Variants in RBMS3 observed in about 807,000 individuals in gnomAD.
RBMS3 encodes RNA-binding motif, single-stranded-interacting protein 3.
In RBMS3, 27 loss-of-function variants were observed where a neutral mutation model predicts 66.8. That is an observed-to-expected ratio of 0.40 (90% CI 0.30 to 0.56). The LOEUF (loss-of-function observed/expected upper bound fraction) is 0.56, where lower values mean the gene tolerates loss of function less well. Ranked by LOEUF, RBMS3 falls within the 20% of genes least tolerant of loss-of-function variation. The pLI is 0.40. For missense variants in RBMS3, 513 were observed against 549.5 expected (o/e 0.93, Z 0.66); for synonymous variants, 188 against 183.0 (o/e 1.03, Z -0.22).
At chr3:29,800,244 G>A (rs1057048608) in intron 6 of RBMS3, among the ~76,000 whole-genome samples, 20 of 151,418 alleles carry the variant, frequency 1.3e-4, no homozygotes, top group African/African-American at 3.6e-4. Flanking sequence ...TACCATTATA[G>A]CATTTCCCCC....
chr3:29,481,859 G>A (rs892177685), intron 2 of RBMS3, among the ~76,000 whole-genome samples: 1 of 152,104 alleles, frequency 6.6e-6, no homozygotes, highest in African/African-American at 2.4e-5. Flanking sequence ...TAATAAGGGA[G>A]GGTTTAATAA....
chr3:29,544,388 TG>T (rs1462681689), intron 3 of RBMS3, among the ~76,000 whole-genome samples: 39 of 86,384 alleles, frequency 4.5e-4, no homozygotes, highest in Admixed American at 2.4e-3. Context: ...CTTACAAATT[TG>T]TTTTTTTTTA....
At chr3:29,470,460 C>G (rs1044739044) in intron 2 of RBMS3, among the ~76,000 whole-genome samples, 6 of 151,986 alleles carry the variant, frequency 3.9e-5, no homozygotes, top group African/African-American at 9.7e-5. Context: ...AAGATTAAAT[C>G]TAGTTGCTTA....
At chr3:29,585,297 T>C (rs1576297164) in intron 3 of RBMS3, among the ~76,000 whole-genome samples, 1 of 152,190 alleles carries the variant, frequency 6.6e-6, no homozygotes, top group East Asian at 1.9e-4. Flanking sequence ...TTAAATTATC[T>C]TATATGGAAT....
At chr3:29,900,889 A>ACAT (rs2060235810) in intron 10 of RBMS3, among the ~76,000 whole-genome samples, 1 of 151,776 alleles carries the variant, frequency 6.6e-6, no homozygotes, top group Non-Finnish European at 1.5e-5. Context: ...AACACCAGGG[A>ACAT]GCTAAATACG....
intron 8 of RBMS3, among the ~76,000 whole-genome samples, chr3:29,894,706 T>A (rs1288770018): frequency 6.6e-6 from 1 of 151,572 alleles, no homozygotes; most frequent in East Asian, 1.9e-4. Flanking sequence ...AATAATTTTT[T>A]AAATTACCAC....
At chr3:29,785,404 A>C (rs1242852305) in intron 6 of RBMS3, among the ~76,000 whole-genome samples, 1 of 152,064 alleles carries the variant, frequency 6.6e-6, no homozygotes, top group African/African-American at 2.4e-5. Context: ...TCTTAATACC[A>C]TATTATTCTT....
chr3:29,583,213 T>C (rs2047392332), intron 3 of RBMS3, among the ~76,000 whole-genome samples: 2 of 152,094 alleles, frequency 1.3e-5, no homozygotes, highest in Admixed American at 1.3e-4. Context: ...GATTGAAGTT[T>C]AGTCCTGGAG....
chr3:29,717,919 A>G (rs571708960), intron 4 of RBMS3, among the ~76,000 whole-genome samples: 3 of 152,292 alleles, frequency 2.0e-5, no homozygotes, highest in Admixed American at 6.5e-5. Flanking sequence ...AAAATAATTC[A>G]TAAAGATCAT....
rs149381484 is a variant in RBMS3 at position 29,364,858 on chromosome 3, G to A, written c.76-69885G>A. Among the ~76,000 whole-genome samples, 13 of 151,854 alleles carry A rather than the reference G, an allele frequency of 8.6e-5. No individual in the cohort carries two copies. In the East Asian group the frequency reaches 2.1e-3, roughly 25 times the overall value. On this transcript the variant is annotated intron_variant, in intron 1 of 14. Transcript: ENST00000383767. ...TTGAAGTATTGAGATTTTTATTGTC[G>A]ACCAATTGCTTCCTCCACAGTTTTG...
At chr3:29,399,344 AT>A (rs1373501485) in intron 1 of RBMS3, among the ~76,000 whole-genome samples, 3 of 152,134 alleles carry the variant, frequency 2.0e-5, no homozygotes, top group Non-Finnish European at 4.4e-5. Context: ...TCAAAACTCC[AT>A]TTCTTCCATT....
intron 4 of RBMS3, among the ~76,000 whole-genome samples, chr3:29,611,970 C>T (rs1225272391): frequency 1.3e-5 from 2 of 151,934 alleles, no homozygotes. Flanking sequence ...GCAAGGCCTA[C>T]AGTCTAATTC....
chr3:29,384,630 A>G lies in RBMS3; in HGVS notation c.76-50113A>G, dbSNP rs567326428. Among the ~76,000 whole-genome samples the G allele has an allele frequency of 2.0e-4, 30 of 152,308 alleles. No individual in the cohort carries two copies. The South Asian group carries it at 5.8e-3, about 29-fold the overall frequency. ...AGAAGTTTTGCTACCGATAATGATA[A>G]TTTGATGCCTTAACTGTATTAATAT... On this transcript the variant is annotated intron_variant, in intron 1 of 14. Transcript: ENST00000383767.
intron 4 of RBMS3, among the ~76,000 whole-genome samples, chr3:29,618,745 G>A (rs559367670): frequency 1.4e-4 from 21 of 152,132 alleles, no homozygotes; most frequent in Admixed American, 7.9e-4. Context: ...AGGAATGTCT[G>A]ATAACTCAAC....
intron 3 of RBMS3, among the ~76,000 whole-genome samples, chr3:29,572,850 T>C (rs1444851674): frequency 1.3e-5 from 2 of 152,258 alleles, no homozygotes; most frequent in East Asian, 3.8e-4. Context: ...GTATTAATTC[T>C]TCTTAAGTGT....
chr3:29,372,908 C>T (rs115708372), intron 1 of RBMS3, among the ~76,000 whole-genome samples: 21 of 150,484 alleles, frequency 1.4e-4, no homozygotes, highest in Admixed American at 6.0e-4. Flanking sequence ...AAAGAAAAAA[C>T]GCCTTGAAAC....
intron 3 of RBMS3, among the ~76,000 whole-genome samples, chr3:29,512,061 A>G (rs527642538): frequency 3.9e-4 from 60 of 152,174 alleles, no homozygotes; most frequent in African/African-American, 1.3e-3. Flanking sequence ...TTTCTGACAC[A>G]TTTAGTAAAA....
At chr3:29,539,764 C>T (rs567977886) in intron 3 of RBMS3, among the ~76,000 whole-genome samples, 1 of 152,268 alleles carries the variant, frequency 6.6e-6, no homozygotes, top group Admixed American at 6.5e-5. Context: ...ATCAGGAGTA[C>T]CCCACATGCA....
intron 4 of RBMS3, among the ~76,000 whole-genome samples, chr3:29,658,902 A>T (rs2050421277): frequency 1.3e-5 from 2 of 152,178 alleles, no homozygotes; most frequent in Admixed American, 6.5e-5. Context: ...GGCTCACTGC[A>T]ACCTCCGCCT....
Sources: gnomAD v4.1 joint callset for allele counts (sites outside exome capture counted in the v4.1 genomes callset) on GRCh38, gnomAD v4.1.1 for gene constraint, MANE v1.5 for transcripts, NCBI Gene and HGNC (gene_info 2026-07-23, HGNC 2026-07-21) for gene names.